Variants in PDE1C observed in about 807,000 individuals in gnomAD.
PDE1C encodes phosphodiesterase 1C, also known as dual specificity calcium/calmodulin-dependent 3',5'-cyclic nucleotide phosphodiesterase 1C.
Under a neutral mutation model 93.1 loss-of-function variants are expected in PDE1C, and 62 were observed. The observed-to-expected ratio is 0.67, with a 90% confidence interval of 0.54 to 0.82. PDE1C has a LOEUF of 0.82. PDE1C is among the 40% of genes least tolerant of loss of function. The probability of loss-of-function intolerance (pLI) is 0.00; values close to 1 mark genes in which losing one functional copy is unlikely to be tolerated. For missense variants in PDE1C, 742 were observed against 884.6 expected, an observed-to-expected ratio of 0.84 and a Z score of 2.04; for synonymous variants, 325 against 310.1, an observed-to-expected ratio of 1.05 and a Z score of -0.50.
chr7:31,791,433 G>A (rs555967217), intron 16 of PDE1C, among the ~76,000 whole-genome samples: 3 of 152,108 alleles, frequency 2.0e-5, no homozygotes, highest in Non-Finnish European at 4.4e-5. Context: ...CTGAAATCAA[G>A]GATGAGAAAT....
chr7:32,326,429 A>T (rs979753969), intron 1 of PDE1C, among the ~76,000 whole-genome samples: 1 of 152,194 alleles, frequency 6.6e-6, no homozygotes, highest in Non-Finnish European at 1.5e-5. Context: ...CAATACTCAG[A>T]GATCTGGAAG....
intron 7 of PDE1C, among the ~76,000 whole-genome samples, chr7:31,856,780 C>T (rs939983785): frequency 6.6e-6 from 1 of 151,856 alleles, no homozygotes; most frequent in African/African-American, 2.4e-5. Context: ...ATTCTGGCTC[C>T]CGTACTGTAC....
At chr7:31,726,771 G>C in the PDE1C span, among the ~76,000 whole-genome samples, 3 of 152,298 alleles carry the variant, frequency 2.0e-5, no homozygotes, top group East Asian at 3.9e-4. Context: ...AGTGGCTCAT[G>C]CCTGTAATCC....
At chr7:31,658,444 G>C in the PDE1C span, 1 of 1,381,176 alleles carries the variant, frequency 7.2e-7, no homozygotes, top group East Asian at 2.5e-5. Flanking sequence ...AACACATGTC[G>C]AACAAAATAG....
At chr7:31,682,404 CA>C in the PDE1C span, among the ~76,000 whole-genome samples, 1 of 152,184 alleles carries the variant, frequency 6.6e-6, no homozygotes, top group East Asian at 1.9e-4. Context: ...TCAAAAAATG[CA>C]AATTAAGAAC....
At chr7:31,911,142 T>A (rs1801194279) in intron 2 of PDE1C, among the ~76,000 whole-genome samples, 1 of 152,154 alleles carries the variant, frequency 6.6e-6, no homozygotes, top group African/African-American at 2.4e-5. Context: ...CAACAATCAC[T>A]CCTGACTATC....
Position 32,359,660 on chromosome 7 carries a change from C to CT in PDE1C, c.310+68161dup, listed in dbSNP as rs535781612. 3.1e-4 allele frequency among the ~76,000 whole-genome samples: 47 copies of CT among 152,348 alleles called. No homozygotes were observed. In the East Asian group the frequency reaches 7.7e-3, roughly 25 times the overall value. On this transcript the variant is annotated intron_variant, in intron 1 of 1. Transcript: ENST00000672256. ...TATTGTGTTTCTATAAATGATCATTCTTTTTACCTTATTTAAATATAAATT... is the reference window on the plus strand; with the variant it reads ...TATTGTGTTTCTATAAATGATCATTCTTTTTTACCTTATTTAAATATAAATT...
At chr7:32,258,611 T>A (rs1809977423) in intron 1 of PDE1C, among the ~76,000 whole-genome samples, 1 of 152,088 alleles carries the variant, frequency 6.6e-6, no homozygotes, top group Non-Finnish European at 1.5e-5. Context: ...ATGGGGTCCC[T>A]GAGGAATCAC....
intron 1 of PDE1C, among the ~76,000 whole-genome samples, chr7:32,223,490 C>A (rs1448470292): frequency 3.9e-5 from 6 of 152,200 alleles, no homozygotes; most frequent in Non-Finnish European, 7.3e-5. Flanking sequence ...CCACTCTGCC[C>A]CTTACAGAGC....
At chr7:32,425,495 G>A (rs370905168) in intron 1 of PDE1C, among the ~76,000 whole-genome samples, 8 of 152,150 alleles carry the variant, frequency 5.3e-5, no homozygotes, top group African/African-American at 1.9e-4. Flanking sequence ...AAATGGAAGG[G>A]ATTGAAAAAA....
chr7:31,778,416 T>C (rs1049758194), intron 16 of PDE1C, among the ~76,000 whole-genome samples: 8 of 152,318 alleles, frequency 5.3e-5, no homozygotes, highest in Non-Finnish European at 1.2e-4. Flanking sequence ...TTCTCAGCAG[T>C]GACACTGTGA....
upstream of PDE1C, chr7:32,071,487 C>T: frequency 1.1e-6 from 1 of 883,408 alleles, no homozygotes; most frequent in Non-Finnish European, 1.4e-6. Context: ...CCCTCCCTCC[C>T]TCCCTTTCAC....
intron 2 of PDE1C, among the ~76,000 whole-genome samples, chr7:31,987,309 G>C (rs558673483): frequency 6.6e-6 from 1 of 152,286 alleles, no homozygotes; most frequent in African/African-American, 2.4e-5. Context: ...ATGCAAATGT[G>C]ATGTGCAATT....
intron 1 of PDE1C, among the ~76,000 whole-genome samples, chr7:32,325,466 C>T (rs1783387607): frequency 6.6e-6 from 1 of 152,212 alleles, no homozygotes; most frequent in African/African-American, 2.4e-5. Context: ...TATTTGAAAC[C>T]ACCATCCCCT....
chr7:31,754,055 G>T (rs1260405187), intron 17 of PDE1C, among the ~76,000 whole-genome samples: 1 of 139,464 alleles, frequency 7.2e-6, no homozygotes, highest in African/African-American at 3.4e-5. Flanking sequence ...TAAAGCTCAA[G>T]AAAAAGAAAC....
chr7:32,004,457 A>T (rs1424969837), intron 2 of PDE1C, among the ~76,000 whole-genome samples: 1 of 152,084 alleles, frequency 6.6e-6, no homozygotes, highest in Admixed American at 6.6e-5. Context: ...GCAGTAGAAT[A>T]CTCTTCAGGA....
intron 1 of PDE1C, among the ~76,000 whole-genome samples, chr7:32,289,901 G>A (rs2128896479): frequency 6.6e-6 from 1 of 152,328 alleles, no homozygotes; most frequent in Non-Finnish European, 1.5e-5. Context: ...GAGAAAGTCA[G>A]CAAATCAATT....
chr7:31,678,020 C>G, the PDE1C span, among the ~76,000 whole-genome samples: 3 of 151,880 alleles, frequency 2.0e-5, no homozygotes, highest in East Asian at 3.9e-4. Context: ...ATAAAAGGCC[C>G]CACCTATAAT....
intron 9 of PDE1C, 121 bp from the exon 10 acceptor site, chr7:31,838,092 A>G (rs1791353851): frequency 1.4e-6 from 1 of 696,686 alleles, no homozygotes; most frequent in African/African-American, 1.8e-5. Context: ...TTCTAATCTA[A>G]TTTGGGTCTT....
Sources: allele counts gnomAD v4.1 joint callset (sites outside exome capture counted in the v4.1 genomes callset), GRCh38; gene constraint gnomAD v4.1.1; transcripts MANE v1.5; gene names NCBI Gene and HGNC (gene_info 2026-07-23, HGNC 2026-07-21).